NCAM2: variants seen among roughly 807,000 people sequenced by gnomAD.
NCAM2 encodes N-CAM-2.
In NCAM2, 30 loss-of-function variants were observed where a neutral mutation model predicts 98.1. The observed-to-expected ratio is 0.31, with a 90% confidence interval of 0.23 to 0.41. The LOEUF (loss-of-function observed/expected upper bound fraction) is 0.41, where lower values mean the gene tolerates loss of function less well. Ranked by LOEUF, NCAM2 falls within the 10% of genes least tolerant of loss-of-function variation. The pLI, the probability that NCAM2 is intolerant of heterozygous loss-of-function variation, is 1.00. For synonymous variants in NCAM2, 368 were observed against 342.4 expected, an observed-to-expected ratio of 1.07 and a Z score of -0.83; for missense variants, 867 against 1,005.8, an observed-to-expected ratio of 0.86 and a Z score of 1.87.
At chr21:21,278,177 A>G (rs2072799805) in intron 1 of NCAM2, among the ~76,000 whole-genome samples, 2 of 151,588 alleles carry the variant, frequency 1.3e-5, no homozygotes, top group African/African-American at 4.8e-5. Flanking sequence ...TTTTTTTTCA[A>G]ACTTGTAATA....
intron 12 of NCAM2, among the ~76,000 whole-genome samples, chr21:21,446,612 T>C (rs944876152): frequency 6.6e-6 from 1 of 152,100 alleles, no homozygotes; most frequent in African/African-American, 2.4e-5. Flanking sequence ...AGTCAAATTG[T>C]CTCTGTTTGC....
At chr21:21,337,571 T>C (rs2074907718) in intron 7 of NCAM2, among the ~76,000 whole-genome samples, 3 of 152,130 alleles carry the variant, frequency 2.0e-5, no homozygotes, top group Admixed American at 2.0e-4. Context: ...AAATAATGAG[T>C]ACTTGATTGT....
chr21:21,432,571 TATG>T (rs1419920897), intron 12 of NCAM2, among the ~76,000 whole-genome samples: 1 of 150,996 alleles, frequency 6.6e-6, no homozygotes, highest in Non-Finnish European at 1.5e-5. Context: ...ACATACTAGA[TATG>T]ATGGCTGGAT....
At chr21:21,186,816 A>G (rs1247735578) in intron 1 of NCAM2, among the ~76,000 whole-genome samples, 2 of 152,214 alleles carry the variant, frequency 1.3e-5, no homozygotes, top group African/African-American at 4.8e-5. Flanking sequence ...ATAATTTTCT[A>G]TGAAGCTTCT....
chr21:21,474,696 G>A (rs2146250610), intron 14 of NCAM2, among the ~76,000 whole-genome samples: 1 of 152,174 alleles, frequency 6.6e-6, no homozygotes, highest in Admixed American at 6.6e-5. Flanking sequence ...ACAGGGACAT[G>A]CAGCTGTCTG....
chr21:21,015,287 A>G (rs1307614939), intron 1 of NCAM2, among the ~76,000 whole-genome samples: 1 of 152,232 alleles, frequency 6.6e-6, no homozygotes, highest in Non-Finnish European at 1.5e-5. Flanking sequence ...TGCATGCTAC[A>G]GAGAAGTACG....
At chr21:21,473,399 A>G (rs1602444720) in intron 14 of NCAM2, among the ~76,000 whole-genome samples, 1 of 134,574 alleles carries the variant, frequency 7.4e-6, no homozygotes, top group East Asian at 2.0e-4. Context: ...TATATTATAT[A>G]TAAAATCCAG....
At chr21:21,123,629 A>G (rs2066723659) in intron 1 of NCAM2, among the ~76,000 whole-genome samples, 1 of 152,020 alleles carries the variant, frequency 6.6e-6, no homozygotes, top group Non-Finnish European at 1.5e-5. Context: ...TATTTCTTTA[A>G]CAAATATGTC....
At chr21:21,116,534 A>G (rs1225292957) in intron 1 of NCAM2, among the ~76,000 whole-genome samples, 1 of 152,130 alleles carries the variant, frequency 6.6e-6, no homozygotes, top group Non-Finnish European at 1.5e-5. Flanking sequence ...TGCTTGGTCC[A>G]TTTAGCATAG....
At chr21:21,443,151 T>G (rs1321171997) in intron 12 of NCAM2, among the ~76,000 whole-genome samples, 1 of 152,086 alleles carries the variant, frequency 6.6e-6, no homozygotes, top group African/African-American at 2.4e-5. Context: ...CTGGAAACCA[T>G]CATTCTCAGT....
At position 21,069,228 on chromosome 21, in the gene NCAM2, G is replaced by A. The variant is rs893303418; in HGVS notation, c.55+70610G>A. Among the ~76,000 whole-genome samples the A allele has an allele frequency of 7.9e-5, 12 of 152,236 alleles. No individual in the cohort carries two copies. In the South Asian group the frequency reaches 2.3e-3, roughly 29 times the overall value. Reference sequence around the variant, plus strand: ...AATTCTTATCTAAGAAGAAATATAGGTGATTTATTAATATGTACTTAATGC... The same window carrying A: ...AATTCTTATCTAAGAAGAAATATAGATGATTTATTAATATGTACTTAATGC... On this transcript the variant is annotated intron_variant, in intron 1 of 17. Transcript: ENST00000400546.
intron 1 of NCAM2, among the ~76,000 whole-genome samples, chr21:21,129,675 T>C (rs2066896168): frequency 6.6e-6 from 1 of 152,060 alleles, no homozygotes; most frequent in East Asian, 1.9e-4. Flanking sequence ...TAGCTCACTG[T>C]CGCCTCTTTT....
chr21:21,514,364 T>G (rs927851888), intron 16 of NCAM2, among the ~76,000 whole-genome samples: 1 of 150,004 alleles, frequency 6.7e-6, no homozygotes, highest in Non-Finnish European at 1.5e-5. Context: ...TAATCCCAGC[T>G]ACTCGGGAGG....
Position 21,539,914 on chromosome 21 carries a change from G to T in NCAM2, c.*1957G>T, listed in dbSNP as rs2093581377. The T allele has an allele frequency of 6.6e-6, 1 of 151,948 alleles. No individual in the cohort carries two copies. Among genetic ancestry groups the T allele is most frequent in the Non-Finnish European group, 1.5e-5 (1 of 67,986 alleles). 9.4% of individuals were successfully genotyped at this position (151,948 alleles called of 1,614,324 possible). On this transcript the variant is annotated 3_prime_UTR_variant, in exon 18 of 18. Transcript: ENST00000400546. ...GCTTTATTTTGCTGTGTTTTATTTT[G>T]TTGTTTGTTTTGTTTTGTACCAGTG... is the stretch of plus-strand genomic sequence containing the variant.
chr21:21,349,274 A>G (rs1392480094), intron 8 of NCAM2, among the ~76,000 whole-genome samples: 2 of 152,208 alleles, frequency 1.3e-5, no homozygotes, highest in African/African-American at 4.8e-5. Flanking sequence ...AAAAGATTTG[A>G]ATACACATTT....
chr21:21,410,450 A>G lies in NCAM2; in HGVS notation c.1372A>G (p.Met458Val). Reference protein sequence around the residue: ...NLKTYSTGRKMILEIAPTSDN... With the variant: ...NLKTYSTGRKVILEIAPTSDN... ...AAAGACTTATAGTACAGGAAGAAAG[A>G]TGATATTAGAGGTAAGTCCACATGT... The change falls in exon 10 of 18, where the codon ATG becomes GTG. Residue 458 changes from methionine (M) to valine (V), a missense_variant. By Grantham distance (21) the Met-to-Val change is conservative (BLOSUM62 1). Coordinates refer to ENST00000400546, the MANE Select transcript of NCAM2 (RefSeq NM_004540.5). 6.4e-7 allele frequency: 1 copy of G among 1,551,362 alleles called. No homozygotes were observed. Among genetic ancestry groups the G allele is most frequent in the Non-Finnish European group, 8.7e-7 (1 of 1,149,052 alleles).
intron 1 of NCAM2, among the ~76,000 whole-genome samples, chr21:21,081,397 C>T (rs1380577012): frequency 1.3e-5 from 2 of 152,136 alleles, no homozygotes; most frequent in Non-Finnish European, 2.9e-5. Context: ...ACCACCTGAC[C>T]ATCACCTGAT....
chr21:21,334,886 T>A (rs185431661), intron 6 of NCAM2, among the ~76,000 whole-genome samples: 1 of 152,222 alleles, frequency 6.6e-6, no homozygotes, highest in East Asian at 1.9e-4. Flanking sequence ...GATAATTATT[T>A]GGGACTAAGA....
intron 1 of NCAM2, among the ~76,000 whole-genome samples, chr21:21,201,754 G>C (rs188081984): frequency 6.6e-6 from 1 of 152,276 alleles, no homozygotes; most frequent in East Asian, 1.9e-4. Flanking sequence ...CCTTTAAGGA[G>C]ATGCAGTCAC....
Sources: gnomAD v4.1 joint callset for allele counts (sites outside exome capture counted in the v4.1 genomes callset) on GRCh38, gnomAD v4.1.1 for gene constraint, MANE v1.5 for transcripts, NCBI Gene and HGNC (gene_info 2026-07-23, HGNC 2026-07-21) for gene names.